The following CD48 variants were observed in gnomAD, a reference collection of about 807,000 sequenced individuals.
CD48 encodes the protein CD48 molecule.
In CD48, 20 loss-of-function variants were observed where a neutral mutation model predicts 22.0. That is an observed-to-expected ratio of 0.91 (90% CI 0.64 to 1.32). The LOEUF is 1.32. Ranked by LOEUF, CD48 falls within the 40% of genes most tolerant of loss-of-function variation. The probability of loss-of-function intolerance (pLI) is 0.00; values close to 1 mark genes in which losing one functional copy is unlikely to be tolerated. For missense variants in CD48, 307 were observed against 286.5 expected (o/e 1.07, Z -0.52); for synonymous variants, 110 against 110.1 (o/e 1.00, Z 0.01).
intron 1 of CD48, among the ~76,000 whole-genome samples, chr1:160,703,980 G>A (rs952624561): frequency 6.6e-6 from 1 of 151,984 alleles, no homozygotes; most frequent in Non-Finnish European, 1.5e-5. Flanking sequence ...GGAGAGAGTA[G>A]ATACATTTTA....
chr1:160,707,260 C>A (rs989727775), intron 1 of CD48, among the ~76,000 whole-genome samples: 1 of 151,978 alleles, frequency 6.6e-6, no homozygotes, highest in East Asian at 1.9e-4. Context: ...TCTCTTCAGA[C>A]GTTGCAATTT....
chr1:160,706,016 A>C (rs76786811), intron 1 of CD48, among the ~76,000 whole-genome samples: 5,309 of 152,258 alleles, frequency 0.035, 127 homozygotes, highest in African/African-American at 0.07. Context: ...ACACTCAGGA[A>C]GATAGCACAA....
intron 1 of CD48, 90 bp downstream of exon 1, chr1:160,711,592 C>T (rs1662948483): frequency 2.1e-6 from 2 of 966,956 alleles, no homozygotes; most frequent in Non-Finnish European, 3.3e-6. Flanking sequence ...CCAGATCTGG[C>T]TTCTAGGGTT....
At chr1:160,681,175 C>G (rs183937240) in intron 3 of CD48, 27 bp downstream of exon 3, 2 of 1,614,048 alleles carry the variant, frequency 1.2e-6, no homozygotes, top group Non-Finnish European at 1.7e-6. Flanking sequence ...CCCTGTGCCC[C>G]CCTCAGCTCC....
intron 1 of CD48, among the ~76,000 whole-genome samples, chr1:160,702,063 G>A (rs1662647716): frequency 6.6e-6 from 1 of 152,144 alleles, no homozygotes; most frequent in Non-Finnish European, 1.5e-5. Context: ...AGACGCAATG[G>A]AAATAGGAAA....
chr1:160,700,944 T>C (rs1343410042), intron 1 of CD48, among the ~76,000 whole-genome samples: 1 of 152,034 alleles, frequency 6.6e-6, no homozygotes, highest in Non-Finnish European at 1.5e-5. Context: ...CAATTCTTTA[T>C]CAGTGGGGGC....
intron 1 of CD48, among the ~76,000 whole-genome samples, chr1:160,685,450 G>C (rs1359017584): frequency 2.0e-5 from 3 of 152,126 alleles, no homozygotes; most frequent in African/African-American, 7.2e-5. Flanking sequence ...ATTGAGTAAG[G>C]CCAACTGAGG....
chr1:160,680,489 G>T, intron 3 of CD48: 1 of 726,656 alleles, frequency 1.4e-6, no homozygotes, highest in Non-Finnish European at 1.7e-6. Context: ...AACTTGTTTA[G>T]CTAGTAAGTG....
At chr1:160,706,426 T>C (rs144623926) in intron 1 of CD48, among the ~76,000 whole-genome samples, 1 of 152,114 alleles carries the variant, frequency 6.6e-6, no homozygotes, top group African/African-American at 2.4e-5. Flanking sequence ...GTATTGTATC[T>C]TTCTTCTCTC....
chr1:160,699,869 G>A (rs1462339675), intron 1 of CD48: 1 of 151,632 alleles, frequency 6.6e-6, no homozygotes, highest in African/African-American at 2.4e-5. Flanking sequence ...TCAGAGGCTG[G>A]CGGGATCCTC....
chr1:160,703,230 TG>T (rs2102435206), intron 1 of CD48, among the ~76,000 whole-genome samples: 3 of 152,290 alleles, frequency 2.0e-5, no homozygotes, highest in East Asian at 3.9e-4. Flanking sequence ...AATGCTGAGA[TG>T]GGGTTAGAAC....
intron 1 of CD48, among the ~76,000 whole-genome samples, chr1:160,697,116 C>A (rs1320538052): frequency 1.3e-5 from 2 of 151,800 alleles, no homozygotes; most frequent in Admixed American, 1.3e-4. Flanking sequence ...GAACATCTTA[C>A]TGGTAAAAAG....
chr1:160,699,036 A>T (rs1419344965), intron 1 of CD48: 1 of 153,764 alleles, frequency 6.5e-6, no homozygotes, highest in Non-Finnish European at 1.4e-5. Context: ...TGTCGAAAAG[A>T]AAAGGGGGAA....
intron 1 of CD48, chr1:160,691,686 T>C (rs1662225369): frequency 3.7e-6 from 1 of 271,224 alleles, no homozygotes; most frequent in Non-Finnish European, 6.9e-6. Context: ...TGTCTTTTTC[T>C]TTTCCAAGTC....
At chr1:160,681,938 A>G (rs16832311) in intron 2 of CD48, among the ~76,000 whole-genome samples, 13,421 of 152,200 alleles carry the variant, frequency 0.088, 1,982 homozygotes, top group African/African-American at 0.31. Context: ...TGCGCGTGGC[A>G]AAGTCCTTTG....
At chr1:160,682,429 A>G (rs1441677316) in intron 2 of CD48, among the ~76,000 whole-genome samples, 2 of 147,938 alleles carry the variant, frequency 1.4e-5, no homozygotes, top group Non-Finnish European at 3.0e-5. Context: ...ATACCACTGC[A>G]CTCCAGCTTG....
At chr1:160,691,660 C>G (rs1662223950) in intron 1 of CD48, 2 of 227,774 alleles carry the variant, frequency 8.8e-6, no homozygotes, top group East Asian at 8.0e-5. Context: ...ATTTCTTTCT[C>G]TATACTTTGT....
chr1:160,705,869 G>T (rs1352379428), intron 1 of CD48, among the ~76,000 whole-genome samples: 2 of 152,100 alleles, frequency 1.3e-5, no homozygotes, highest in African/African-American at 4.8e-5. Flanking sequence ...AGTAACACTT[G>T]TCCAGTTGTG....
chr1:160,680,262 C>G (rs12126715), intron 3 of CD48, among the ~76,000 whole-genome samples: 1,853 of 152,238 alleles, frequency 0.012, 20 homozygotes, highest in Non-Finnish European at 0.019. Flanking sequence ...GGGTATCTGA[C>G]TCTGGTATTT....
Sources: gnomAD v4.1 joint callset for allele counts (sites outside exome capture counted in the v4.1 genomes callset) on GRCh38, gnomAD v4.1.1 for gene constraint, MANE v1.5 for transcripts, NCBI Gene and HGNC (gene_info 2026-07-23, HGNC 2026-07-21) for gene names.